Variants in TAF1C observed in about 807,000 individuals in gnomAD.
TAF1C encodes the protein TATA-box binding protein associated factor, RNA polymerase I subunit C, also known as TATA box-binding protein-associated factor RNA polymerase I subunit C.
In TAF1C, 79 loss-of-function variants were observed where a neutral mutation model predicts 70.5. The observed-to-expected ratio is 1.12, with a 90% CI of 0.93 to 1.35. The LOEUF is 1.35. Among genes scored for constraint, TAF1C ranks in the 40% most tolerant of loss-of-function variants. The pLI is 0.00. For synonymous variants in TAF1C, 614 were observed against 491.1 expected (o/e 1.25, Z -3.31); for missense variants, 1,412 against 1,127.8 (o/e 1.25, Z -3.61).
chr16:84,184,138 G>C (rs1388749354), intron 2 of TAF1C, among the ~76,000 whole-genome samples: 2 of 152,192 alleles, frequency 1.3e-5, no homozygotes, highest in Non-Finnish European at 2.9e-5. Context: ...AGTCACTCTG[G>C]GAGCCCGGCA....
In TAF1C at chr16:84,182,983, T is replaced by C; in HGVS notation, c.482+93A>G. ...CTGCATGGAGCAGGGGGGAAGTGGG[T>C]ATGACGGAAAGCTGTACGTGCGTCC... is the stretch of plus-strand genomic sequence containing the variant. On this transcript the variant is annotated intron_variant, in intron 6 of 14. Coordinates refer to ENST00000566732, the MANE Select transcript of TAF1C (RefSeq NM_001243156.2). This position sits in a 1 kb window ranked among gnomAD's most constrained non-coding sequence, Gnocchi z 5.0. 7.8e-7 allele frequency: 1 copy of C among 1,277,776 alleles called. No individual in the cohort carries two copies. 79.2% of individuals were successfully genotyped at this position (1,277,776 alleles called of 1,614,324 possible). A position where few individuals can be genotyped will look rare whatever the true frequency, so the allele number is the denominator to read the frequency against.
rs2089163301 is a variant in TAF1C, at chr16:84,181,184, G to A, written c.1167C>T (p.Gly389=). 1 of 1,605,848 alleles carries A rather than the reference G, an allele frequency of 6.2e-7. No individual in the cohort carries two copies. Among genetic ancestry groups the A allele is most frequent in the African/African-American group, 1.3e-5 (1 of 74,864 alleles). ...AAAGCAACAGACCACAGCCCGGCGG[G>A]CCCTGGAAGATAAACACAGGGTCAG... is the stretch of plus-strand genomic sequence containing the variant. ...RTGVKMLDTQ[G]PPGCGLLLFR... Residue 389 remains glycine, a splice_region_variant and synonymous_variant, in exon 12 of 15, where the codon GGC becomes GGT. Coordinates refer to ENST00000566732, the MANE Select transcript of TAF1C (RefSeq NM_001243156.2).
chr16:84,183,808 T>A (rs369439502), intron 2 of TAF1C, 30 bp from the exon 3 acceptor site: 3 of 1,558,312 alleles, frequency 1.9e-6, no homozygotes, highest in South Asian at 2.3e-5. Context: ...AAGGACAGTA[T>A]CATGATGAAT....
Position 84,182,461 on chromosome 16 carries a change from G to A in TAF1C, c.483-21C>T. On this transcript the variant is annotated intron_variant, in intron 6 of 14. Transcript: ENST00000566732. This position sits in a 1 kb window ranked among gnomAD's most constrained non-coding sequence, Gnocchi z 5.0. ...GACACCTGGGGACCAGAGAACAGCA[G>A]GAGGATCACTCGGTGGCACTCAGGG... The A allele has an allele frequency of 1.3e-6, 2 of 1,588,576 alleles. No individual in the cohort carries two copies. The highest frequency in any genetic ancestry group is 1.3e-5 in the African/African-American group (1 of 74,784).
Position 84,179,231 on chromosome 16 carries a change from A to T in TAF1C, c.2242T>A (p.Ser748Thr). The change falls in exon 15 of 15, where the codon TCC becomes ACC. Residue 748 changes from serine (S) to threonine (T), a missense_variant. Coordinates refer to ENST00000566732, the MANE Select transcript of TAF1C (RefSeq NM_001243156.2). Reference protein sequence around the residue: ...GHVDPSEDTSSPHSPEWPPAD... With the variant: ...GHVDPSEDTSTPHSPEWPPAD... Reference sequence around the variant, plus strand: ...GGTGGCCACTCAGGGCTATGAGGGGAGCTGGTGTCCTCTGAGGGATCCACA... The same window carrying T: ...GGTGGCCACTCAGGGCTATGAGGGGTGCTGGTGTCCTCTGAGGGATCCACA... 6.3e-7 allele frequency: 1 copy of T among 1,584,790 alleles called. No individual in the cohort carries two copies. The highest frequency in any genetic ancestry group is 8.5e-7 in the Non-Finnish European group (1 of 1,172,016).
chr16:84,180,755 C>T, intron 12 of TAF1C: 1 of 1,272,968 alleles, frequency 7.9e-7, no homozygotes, highest in Non-Finnish European at 1.0e-6. Context: ...ACAGCAGAAA[C>T]TCTCCAGCTC....
At position 84,181,933 on chromosome 16, in the gene TAF1C, G is replaced by C; in HGVS notation, c.838+9C>G. ...CAGTGAGGGAGGAAAGTGTATATAA[G>C]GGCCTTACTTTCTCCCTGGACGGTG... On this transcript the variant is annotated intron_variant, in intron 8 of 14. Coordinates refer to ENST00000566732, the MANE Select transcript of TAF1C (RefSeq NM_001243156.2). The C allele has an allele frequency of 5.0e-6, 8 of 1,614,096 alleles. No homozygotes were observed. Among genetic ancestry groups the C allele is most frequent in the Non-Finnish European group, 6.8e-6 (8 of 1,180,030 alleles).
At position 84,179,319 on chromosome 16, in the gene TAF1C, C is replaced by A; in HGVS notation, c.2154G>T (p.Gly718=). The part of the protein sequence containing the change: ...ERQQGRTSEP[G]RQTRRPKRRT... ...GGCGCTTGGGCCGCCTGGTCTGTCT[C>A]CCGGGCTCCGAGGTCCTGCCCTGCT... The change falls in exon 15 of 15, where the codon GGG becomes GGT. Residue 718 remains glycine (G), a synonymous_variant. Transcript: ENST00000566732. 6.2e-7 allele frequency: 1 copy of A among 1,600,050 alleles called. No homozygotes were observed. The highest frequency in any genetic ancestry group is 1.1e-5 in the South Asian group (1 of 90,696).
At position 84,178,113 on chromosome 16, in the gene TAF1C, G is replaced by A. The variant is rs4150184; in HGVS notation, c.*828C>T. ...CTTCCACTGCAGCTAGAGAAACTCC[G>A]AGGAAGAGGGACTTGATGCTTTAGA... On this transcript the variant is annotated 3_prime_UTR_variant, in exon 15 of 15. Coordinates refer to ENST00000566732, the MANE Select transcript of TAF1C (RefSeq NM_001243156.2). 1,448 of 431,868 alleles carry A rather than the reference G, an allele frequency of 3.4e-3. 31 individuals carry two copies. Among genetic ancestry groups the A allele is most frequent in the South Asian group, 0.027 (1,338 of 48,818 alleles). The allele number at this position is 431,868 out of a possible 1,614,324, so 26.8% of individuals were successfully genotyped here.
At position 84,179,949 on chromosome 16, in the gene TAF1C, T is replaced by A. The variant is rs1033727938; in HGVS notation, c.1618A>T (p.Ile540Leu). ...RLQERLKAPT[I>L]GLAAVVPPLP... ...CTCACTCCCCCACCCAGCACACCTA[T>A]GGTCGGTGCTTTCAGGCGCTCCTGC... Residue 540 changes from isoleucine (I) to leucine (L), a missense_variant, in exon 14 of 15, where the codon ATA becomes TTA. Transcript: ENST00000566732. 8 of 1,612,122 alleles carry A rather than the reference T, an allele frequency of 5.0e-6. No individual in the cohort carries two copies. In the African/African-American group the frequency reaches 1.1e-4, roughly 22 times the overall value.
chr16:84,180,120 C>T, intron 13 of TAF1C, 37 bp from the exon 14 acceptor site: 2 of 1,564,982 alleles, frequency 1.3e-6, no homozygotes, highest in South Asian at 2.4e-5. Context: ...CTGTCCAGGC[C>T]CCGACCGCCC....
chr16:84,186,805 G>T (rs892373907), intron 1 of TAF1C, 96 bp downstream of exon 1: 3 of 152,288 alleles, frequency 2.0e-5, no homozygotes, highest in Non-Finnish European at 4.4e-5. Flanking sequence ...CTGCCGCGGG[G>T]ACTGGGGATT....
intron 12 of TAF1C, 98 bp from the exon 13 acceptor site, chr16:84,180,442 C>T: frequency 8.0e-7 from 1 of 1,253,026 alleles, no homozygotes; most frequent in Non-Finnish European, 1.1e-6. Context: ...GAGTGCAGAG[C>T]CCTGAGGGGC....
In TAF1C at chr16:84,181,866, G is replaced by A. The variant is rs1245022356; in HGVS notation, c.839-3C>T. On this transcript the variant is annotated splice_polypyrimidine_tract_variant and splice_region_variant and intron_variant, in intron 8 of 14. Coordinates refer to ENST00000566732, the MANE Select transcript of TAF1C (RefSeq NM_001243156.2). ...GTCAGAGCGGACGGCCAGCAGAGCT[G>A]AGGAGGGATGGAAAGGGCCAGGGGT... The A allele has an allele frequency of 2.5e-6, 4 of 1,614,208 alleles. No individual in the cohort carries two copies. Among genetic ancestry groups the A allele is most frequent in the Non-Finnish European group, 3.4e-6 (4 of 1,180,038 alleles).
chr16:84,185,023 C>T lies in TAF1C; in HGVS notation c.-35G>A, dbSNP rs766031555. ...AAGGACCAAGCACCACACTGGCCAC[C>T]TCGAGAGACTGGAAGCTGGTAAGGG... is the stretch of plus-strand genomic sequence containing the variant. On this transcript the variant is annotated 5_prime_UTR_variant, in exon 2 of 15. Transcript: ENST00000566732. 1 of 1,600,310 alleles carries T rather than the reference C, an allele frequency of 6.2e-7. No individual in the cohort carries two copies. The highest frequency in any genetic ancestry group is 8.5e-7 in the Non-Finnish European group (1 of 1,172,212).
chr16:84,180,914 T>C, intron 12 of TAF1C, 129 bp downstream of exon 12: 1 of 1,440,342 alleles, frequency 6.9e-7, no homozygotes. Context: ...GGCCACAGAT[T>C]CATCCAGGGT....
At chr16:84,183,590 C>A (rs1289294916) in intron 3 of TAF1C, 83 bp from the exon 4 acceptor site, 2 of 1,546,612 alleles carry the variant, frequency 1.3e-6, no homozygotes, top group African/African-American at 2.7e-5. Context: ...ATCCAAGGGT[C>A]CTGAGCAGGC....
chr16:84,183,542 C>T (rs777007385), intron 3 of TAF1C, 35 bp from the exon 4 acceptor site: 3 of 1,584,440 alleles, frequency 1.9e-6, no homozygotes, highest in Non-Finnish European at 2.6e-6. Context: ...CTGGGGAGGG[C>T]ACAGGAGTGC....
chr16:84,183,615 G>C (rs1337298183), intron 3 of TAF1C, 82 bp downstream of exon 3: 3 of 1,545,984 alleles, frequency 1.9e-6, no homozygotes, highest in East Asian at 4.5e-5. Context: ...GCTTAGCAGG[G>C]AGAGGAAGGT....
Sources: allele counts gnomAD v4.1 joint callset (sites outside exome capture counted in the v4.1 genomes callset), GRCh38; gene constraint gnomAD v4.1.1; non-coding constraint Gnocchi (gnomAD v3.1); transcripts MANE v1.5; gene names NCBI Gene and HGNC (gene_info 2026-07-23, HGNC 2026-07-21).